The following COL11A1 variants were observed in gnomAD, a reference collection of about 807,000 sequenced individuals.
COL11A1 encodes collagen type XI alpha 1 chain, also known as collagen alpha-1(XI) chain.
COL11A1 carries 74 observed loss-of-function variants against 265.2 expected under a neutral mutation model. That is an observed-to-expected ratio of 0.28 (90% confidence interval 0.23 to 0.34). The LOEUF (loss-of-function observed/expected upper bound fraction) is 0.34. COL11A1 is among the 10% of genes least tolerant of loss of function. The probability of loss-of-function intolerance (pLI) is 1.00; values close to 1 mark genes in which losing one functional copy is unlikely to be tolerated. For synonymous variants in COL11A1, 816 were observed against 727.6 expected (o/e 1.12, Z -1.96); for missense variants, 2,165 against 2,263.6 (o/e 0.96, Z 0.88).
rs968191795 is a variant in COL11A1, at chr1:102,996,037, G to C, written c.2247C>G (p.Pro749=). 14 of 1,613,224 alleles carry C rather than the reference G, an allele frequency of 8.7e-6. No homozygotes were observed. Among genetic ancestry groups the C allele is most frequent in the Admixed American group, 1.7e-5 (1 of 59,906 alleles). ...GQSGEKGALG[P]PGPQGPIGYP... ...ATCCAATAGGACCTTGTGGACCAGG[G>C]GGACCCTGAAATAGATGAATTACCA... The change falls in exon 27 of 67, where the codon CCC becomes CCG. Residue 749 remains proline (P), a synonymous_variant. Coordinates refer to ENST00000370096, the MANE Select transcript of COL11A1 (RefSeq NM_001854.4).
intron 1 of COL11A1, among the ~76,000 whole-genome samples, chr1:103,086,047 C>G (rs367827043): frequency 6.6e-6 from 1 of 152,016 alleles, no homozygotes; most frequent in African/African-American, 2.4e-5. Flanking sequence ...AATAAAAACT[C>G]TGCAAAAATA....
intron 54 of COL11A1, among the ~76,000 whole-genome samples, chr1:102,906,049 A>AAATG (rs1217755767): frequency 3.1e-4 from 47 of 152,308 alleles, no homozygotes; most frequent in Non-Finnish European, 1.2e-4. Flanking sequence ...TTTAGTTTAT[A>AAATG]AATGATACTA....
Position 103,025,584 on chromosome 1 carries a change from G to A in COL11A1, c.927C>T (p.Tyr309=), listed in dbSNP as rs756352845. Residue 309 remains tyrosine (Y), a synonymous_variant, in exon 7 of 67, where the codon TAC becomes TAT. Transcript: ENST00000370096. ...EANIVDDFQE[Y]NYGTMESYQT... is the part of the protein sequence containing the mutation. ...GGTAACTTTCCATTGTTCCATAGTT[G>A]TATTCTTGAAAATCATCAACGATGT... The A allele has an allele frequency of 1.2e-6, 2 of 1,613,672 alleles. No homozygotes were observed. Among genetic ancestry groups the A allele is most frequent in the Non-Finnish European group, 1.7e-6 (2 of 1,179,818 alleles).
At position 102,984,135 on chromosome 1, in the gene COL11A1, T is replaced by C. The variant is rs751101803; in HGVS notation, c.2556+3A>G. On this transcript the variant is annotated splice_donor_region_variant and intron_variant, in intron 31 of 66. Transcript: ENST00000370096. ...ATAAACTATAAATATCAAGCTGTTTTACCTTTGGACCTTGTCTTCCTGGAT... is the reference window on the plus strand; with the variant it reads ...ATAAACTATAAATATCAAGCTGTTTCACCTTTGGACCTTGTCTTCCTGGAT... 1 of 1,595,560 alleles carries C rather than the reference T, an allele frequency of 6.3e-7. No homozygotes were observed. The highest frequency in any genetic ancestry group is 8.6e-7 in the Non-Finnish European group (1 of 1,164,978).
At chr1:102,978,973 A>G in intron 33 of COL11A1, 60 bp from the exon 34 acceptor site, 4 of 1,609,592 alleles carry the variant, frequency 2.5e-6, no homozygotes, top group Non-Finnish European at 3.4e-6. Flanking sequence ...AAGACACTAA[A>G]TCAATTTTTA....
rs1651463626 is a variant in COL11A1 at position 102,889,462 on chromosome 1, C to G, written c.4457G>C (p.Gly1486Ala). 1.2e-6 allele frequency: 2 copies of G among 1,612,116 alleles called. No individual in the cohort carries two copies. Among genetic ancestry groups the G allele is most frequent in the Non-Finnish European group, 1.7e-6 (2 of 1,179,112 alleles). Residue 1486 changes from glycine to alanine, a missense_variant, in exon 59 of 67, where the codon GGG (glycine) becomes GCG (alanine). Physicochemically the swap from Gly to Ala is moderately conservative, Grantham distance 60. Coordinates refer to ENST00000370096, the MANE Select transcript of COL11A1 (RefSeq NM_001854.4). ...PGTQGSPGAKGDGGIPGPAGP... is the reference protein window; with the variant it reads ...PGTQGSPGAKADGGIPGPAGP... The stretch of plus-strand genomic sequence containing the variant: ...ACCTATATTTTTACTCACCCCATCC[C>G]CTTTTGCTCCTGGAGATCCTTGAGT...
At position 103,078,808 on chromosome 1, in the gene COL11A1, G is replaced by A. The variant is rs753510370; in HGVS notation, c.338C>T (p.Ser113Phe). The change falls in exon 3 of 67, where the codon TCT (serine) becomes TTT (phenylalanine). Residue 113 changes from serine (S) to phenylalanine (F), a missense_variant. Coordinates refer to ENST00000370096, the MANE Select transcript of COL11A1 (RefSeq NM_001854.4). ...CTCATTATATATAGATAAAAGGAAA[G>A]ACTGAATTCCTTTTTTTGGTTTTAC... ...FTVKPKKGIQ[S>F]FLLSIYNEHG... 2.5e-6 allele frequency: 4 copies of A among 1,611,780 alleles called. No individual in the cohort carries two copies. Among genetic ancestry groups the A allele is most frequent in the Non-Finnish European group, 2.5e-6 (3 of 1,178,470 alleles).
chr1:103,070,427 G>GA (rs1173176752), intron 4 of COL11A1, among the ~76,000 whole-genome samples: 3 of 150,608 alleles, frequency 2.0e-5, no homozygotes, highest in East Asian at 1.9e-4. Context: ...AATAACAAGG[G>GA]AAAAAAAACG....
At chr1:102,994,943 A>AAAAG (rs1165768862) in intron 28 of COL11A1, among the ~76,000 whole-genome samples, 3 of 152,114 alleles carry the variant, frequency 2.0e-5, no homozygotes, top group African/African-American at 7.2e-5. Context: ...GTGGAGGAGA[A>AAAAG]AAAGAAAGAG....
Position 103,008,525 on chromosome 1 carries a change from A to G in COL11A1, c.1630-9T>C, listed in dbSNP as rs1469491267. The G allele has an allele frequency of 5.0e-6, 8 of 1,613,074 alleles. No homozygotes were observed. The highest frequency in any genetic ancestry group is 6.8e-6 in the Non-Finnish European group (8 of 1,179,242). ...GATGAACCAGGCCCCCCCTATAGAG[A>G]AAAAGTGAAGATATTTCACTTAATT... On this transcript the variant is annotated splice_polypyrimidine_tract_variant and intron_variant, in intron 14 of 66. Transcript: ENST00000370096.
chr1:103,026,871 T>C (rs1223789467), intron 5 of COL11A1, among the ~76,000 whole-genome samples: 1 of 150,190 alleles, frequency 6.7e-6, no homozygotes, highest in African/African-American at 2.5e-5. Flanking sequence ...AATAAGTATA[T>C]ACTGTATTAA....
chr1:102,973,185 C>G (rs778418284), intron 36 of COL11A1, among the ~76,000 whole-genome samples: 2 of 152,068 alleles, frequency 1.3e-5, no homozygotes, highest in Non-Finnish European at 2.9e-5. Flanking sequence ...TAATGTTTCA[C>G]TTGTTAGAGA....
At chr1:102,958,897 C>T (rs575529955) in intron 41 of COL11A1, among the ~76,000 whole-genome samples, 14 of 152,250 alleles carry the variant, frequency 9.2e-5, no homozygotes, top group Middle Eastern at 6.8e-3. Context: ...GCATGGAAGG[C>T]GTCACCAAAC....
rs1001275411 is a variant in COL11A1, at chr1:102,970,230, G to A, written c.2851C>T (p.Arg951Cys). ...ACAAGGTCACTTACAGTCTCCCCAC[G>A]TTGCCCAGGGTGTCCTGGCAGCCCA... ...KDGLPGHPGQ[R>C]GETGFQGKTG... is the part of the protein sequence containing the mutation. The change falls in exon 37 of 67, where the codon CGT (arginine) becomes TGT (cysteine). Residue 951 changes from arginine (R) to cysteine (C), a missense_variant. Physicochemically the swap from Arg to Cys is radical, Grantham distance 180 (BLOSUM62 -3). Transcript: ENST00000370096. 6.8e-6 allele frequency: 11 copies of A among 1,611,866 alleles called. No individual in the cohort carries two copies. Among genetic ancestry groups the A allele is most frequent in the Admixed American group, 3.3e-5 (2 of 59,950 alleles).
intron 4 of COL11A1, among the ~76,000 whole-genome samples, chr1:103,047,656 G>C (rs1204200358): frequency 6.6e-6 from 1 of 152,244 alleles, no homozygotes; most frequent in Non-Finnish European, 1.5e-5. Flanking sequence ...TAGGAGTGGT[G>C]AGAGAGGGCA....
At chr1:102,891,629 A>G (rs190037292) in intron 57 of COL11A1, among the ~76,000 whole-genome samples, 4 of 151,048 alleles carry the variant, frequency 2.6e-5, no homozygotes, top group Non-Finnish European at 4.4e-5. Context: ...AATCCTAGCA[A>G]TTTGAGAGCC....
intron 1 of COL11A1, among the ~76,000 whole-genome samples, chr1:103,088,338 C>T (rs1673036067): frequency 7.2e-6 from 1 of 139,092 alleles, no homozygotes; most frequent in South Asian, 2.2e-4. Flanking sequence ...AAAATATTTA[C>T]TTCAAAGAGT....
At chr1:103,053,746 A>C (rs938150476) in intron 4 of COL11A1, among the ~76,000 whole-genome samples, 4 of 152,236 alleles carry the variant, frequency 2.6e-5, no homozygotes, top group Non-Finnish European at 5.9e-5. Context: ...CAAAAGAGAA[A>C]AATTTTTATG....
intron 4 of COL11A1, among the ~76,000 whole-genome samples, chr1:103,033,999 AC>A (rs796101306): frequency 7.9e-5 from 12 of 151,386 alleles, no homozygotes; most frequent in African/African-American, 2.7e-4. Flanking sequence ...CTTTCCCCCT[AC>A]CCCCCAGAAC....
Sources: allele counts gnomAD v4.1 joint callset (sites outside exome capture counted in the v4.1 genomes callset), GRCh38; gene constraint gnomAD v4.1.1; transcripts MANE v1.5; gene names NCBI Gene and HGNC (gene_info 2026-07-23, HGNC 2026-07-21).